The following MCF2L variants were observed in gnomAD, a reference collection of about 807,000 sequenced individuals.
MCF2L encodes MCF.2 cell line derived transforming sequence like.
MCF2L carries 97 observed loss-of-function variants against 153.4 expected under a neutral mutation model. The ratio of observed to expected loss-of-function variants is 0.63; its 90% CI spans 0.54 to 0.75. The LOEUF (loss-of-function observed/expected upper bound fraction) is 0.75. Ranked by LOEUF, MCF2L falls within the 30% of genes least tolerant of loss-of-function variation. The pLI is 0.00. For synonymous variants in MCF2L, 659 were observed against 632.2 expected (o/e 1.04, Z -0.64); for missense variants, 1,347 against 1,495.2 (o/e 0.90, Z 1.64).
chr13:112,999,454 T>G (rs990662536), intron 1 of MCF2L, among the ~76,000 whole-genome samples: 3 of 152,130 alleles, frequency 2.0e-5, no homozygotes, highest in African/African-American at 7.2e-5. Context: ...GTTTAAAAAC[T>G]GAGGCCCTTC....
rs764584657 is a variant in MCF2L at position 113,096,869 on chromosome 13, GGCGCCGGA to G, written c.*12_*19del. The G allele has an allele frequency of 3.8e-4, 536 of 1,414,148 alleles. 2 individuals are homozygous for G. Among genetic ancestry groups the G allele is most frequent in the Admixed American group, 1.5e-4 (5 of 33,954 alleles). 87.6% of individuals were successfully genotyped at this position (1,414,148 alleles called of 1,614,324 possible). ...CGACCTGCAGGGGTAGCGCGGCCTCGGCGCCGGAGACCCGCGCGCTGTCTGGGGCTGCG... is the reference window on the plus strand; with the variant it reads ...CGACCTGCAGGGGTAGCGCGGCCTCGGACCCGCGCGCTGTCTGGGGCTGCG... On this transcript the variant is annotated 3_prime_UTR_variant, in exon 30 of 30. Coordinates refer to ENST00000535094, the MANE Select transcript of MCF2L (RefSeq NM_001112732.3).
chr13:113,005,165 A>G (rs2141086866), intron 1 of MCF2L, among the ~76,000 whole-genome samples: 1 of 152,326 alleles, frequency 6.6e-6, no homozygotes, highest in Non-Finnish European at 1.5e-5. Context: ...TAGAAAGGAA[A>G]GCCTGTCATT....
rs1285737448 is a variant in MCF2L, at chr13:112,941,353, A to G, written c.169+38982A>G. Reference sequence around the variant, plus strand: ...TATATTATATATAATTCAAATAGAAATTATATCAAAATATATATATTTGAA... The same window carrying G: ...TATATTATATATAATTCAAATAGAAGTTATATCAAAATATATATATTTGAA... On this transcript the variant is annotated intron_variant, in intron 2 of 29. Transcript: ENST00000375608. The surrounding 1 kb of genome is among the most constrained non-coding windows in gnomAD (Gnocchi z 4.9). Among the ~76,000 whole-genome samples the G allele has an allele frequency of 1.3e-5, 2 of 148,946 alleles. No individual in the cohort carries two copies. Among genetic ancestry groups the G allele is most frequent in the African/African-American group, 4.9e-5 (2 of 40,930 alleles).
intron 2 of MCF2L, among the ~76,000 whole-genome samples, chr13:113,024,135 G>A (rs143134575): frequency 1.4e-3 from 216 of 152,352 alleles, no homozygotes; most frequent in African/African-American, 4.5e-3. Flanking sequence ...GGAGCTCTTT[G>A]GAATTGAATT....
chr13:113,082,621 G>C, intron 17 of MCF2L, 79 bp downstream of exon 17: 1 of 1,095,942 alleles, frequency 9.1e-7, no homozygotes, highest in Non-Finnish European at 1.4e-6. Flanking sequence ...GGCTGGAATG[G>C]GGGTGGAGGC....
At chr13:112,956,493 T>C (rs1418102879) in intron 2 of MCF2L, 1 of 152,250 alleles carries the variant, frequency 6.6e-6, no homozygotes, top group Non-Finnish European at 1.5e-5. Flanking sequence ...TATTTATGCA[T>C]TTATAAATTT....
At chr13:112,956,516 G>A (rs2081759139) in intron 2 of MCF2L, 1 of 152,270 alleles carries the variant, frequency 6.6e-6, no homozygotes, top group South Asian at 2.1e-4. Context: ...AAAATTCATT[G>A]TTAAAATCGA....
At chr13:113,019,428 C>T (rs3011521) in intron 2 of MCF2L, among the ~76,000 whole-genome samples, 67,638 of 152,128 alleles carry the variant, frequency 0.44, 15,438 homozygotes, top group South Asian at 0.68. Flanking sequence ...GACACCCAGG[C>T]TTCAGCCACA....
At chr13:113,093,055 T>C (rs1050692064) in intron 26 of MCF2L, among the ~76,000 whole-genome samples, 23 of 152,224 alleles carry the variant, frequency 1.5e-4, no homozygotes, top group African/African-American at 5.5e-4. Context: ...AATCAGACTT[T>C]TGGTTCTGTC....
intron 5 of MCF2L, among the ~76,000 whole-genome samples, chr13:113,062,976 C>T (rs1566827251): frequency 6.6e-6 from 1 of 152,200 alleles, no homozygotes; most frequent in Admixed American, 6.5e-5. Context: ...CTACAATGAC[C>T]GCGGGGTATT....
intron 1 of MCF2L, among the ~76,000 whole-genome samples, chr13:112,990,155 C>G (rs2082843805): frequency 6.6e-6 from 1 of 152,200 alleles, no homozygotes; most frequent in South Asian, 2.1e-4. Flanking sequence ...GGCTTGCAGA[C>G]CCCTGTGTTA....
chr13:112,906,111 C>T (rs768469022), intron 2 of MCF2L, among the ~76,000 whole-genome samples: 5 of 152,188 alleles, frequency 3.3e-5, no homozygotes, highest in Admixed American at 6.5e-5. Context: ...CCAGCTCGCT[C>T]GGTGCGGTCT....
intron 1 of MCF2L, among the ~76,000 whole-genome samples, chr13:112,977,117 C>A (rs2082243565): frequency 6.6e-6 from 1 of 152,208 alleles, no homozygotes; most frequent in Admixed American, 6.5e-5. Context: ...AAGACCGGCC[C>A]TAAACAACTC....
rs1253039569 is a variant in MCF2L, at chr13:112,907,139, AG to A, written c.169+4774del. Among the ~76,000 whole-genome samples, 3 of 151,942 alleles carry A rather than the reference AG, an allele frequency of 2.0e-5. No individual in the cohort carries two copies. The highest frequency in any genetic ancestry group is 7.3e-5 in the African/African-American group (3 of 41,354). On this transcript the variant is annotated intron_variant, in intron 2 of 29. Coordinates refer to the MCF2L transcript ENST00000375608. This position sits in a 1 kb window ranked among gnomAD's most constrained non-coding sequence, Gnocchi z 5.1. ...TGGTAGGAGATTACACAGGATTCTGAGGGGGGACCTTGTCTCCACCTGGGGG... is the reference window on the plus strand; with the variant it reads ...TGGTAGGAGATTACACAGGATTCTGAGGGGGACCTTGTCTCCACCTGGGGG...
intron 12 of MCF2L, among the ~76,000 whole-genome samples, chr13:113,076,421 AGCCTG>A: frequency 6.6e-6 from 1 of 152,016 alleles, no homozygotes. Context: ...CCCACCACCA[AGCCTG>A]GCTAATTTTT....
Position 112,942,813 on chromosome 13 carries a change from CTT to C in MCF2L, c.169+40443_169+40444del, listed in dbSNP as rs543386493. The stretch of plus-strand genomic sequence containing the variant: ...GGTTCTGCTCCCCTATTGTGGGTGA[CTT>C]AACATTCTCTCCACCCACCTGGTAG... On this transcript the variant is annotated intron_variant, in intron 2 of 29. Transcript: ENST00000375608. Among the ~76,000 whole-genome samples, 157 of 152,266 alleles carry C rather than the reference CTT, an allele frequency of 1.0e-3. 1 individual carries two copies. Among genetic ancestry groups the C allele is most frequent in the African/African-American group, 3.3e-3 (137 of 41,554 alleles).
rs1404422806 is a variant in MCF2L at position 112,943,297 on chromosome 13, C to T, written c.169+40926C>T. On this transcript the variant is annotated intron_variant, in intron 2 of 29. Transcript: ENST00000375608. The surrounding 1 kb of genome is among the most constrained non-coding windows in gnomAD (Gnocchi z 4.2). ...AGTCCCGACGCTGTGCGCCCCACTC[C>T]CGAGGCTGTGGTTGGGGGGTCGCGG... 6.6e-6 allele frequency among the ~76,000 whole-genome samples: 1 copy of T among 152,204 alleles called. No homozygotes were observed. Among genetic ancestry groups the T allele is most frequent in the Non-Finnish European group, 1.5e-5 (1 of 68,024 alleles).
intron 2 of MCF2L, among the ~76,000 whole-genome samples, chr13:112,954,406 G>C (rs2081732528): frequency 6.6e-6 from 1 of 152,188 alleles, no homozygotes; most frequent in South Asian, 2.1e-4. Flanking sequence ...GCTTCTGCCA[G>C]CTGCATCCTG....
chr13:113,029,730 G>C (rs575526038), intron 3 of MCF2L, among the ~76,000 whole-genome samples: 2 of 152,334 alleles, frequency 1.3e-5, no homozygotes, highest in East Asian at 3.9e-4. Flanking sequence ...CCAAGAGAGG[G>C]AGGGGAGCTT....
Sources: gnomAD v4.1 joint callset for allele counts (sites outside exome capture counted in the v4.1 genomes callset) on GRCh38, gnomAD v4.1.1 for gene constraint, Gnocchi (gnomAD v3.1) non-coding constraint, MANE v1.5 for transcripts, NCBI Gene and HGNC (gene_info 2026-07-23, HGNC 2026-07-21) for gene names.